Variants in RARB observed in about 807,000 individuals in gnomAD.
RARB encodes retinoic acid receptor beta.
RARB carries 17 observed loss-of-function variants against 51.9 expected under a neutral mutation model. That is an observed-to-expected ratio of 0.33 (90% CI 0.22 to 0.49). The LOEUF (loss-of-function observed/expected upper bound fraction) is 0.49, where lower values mean the gene tolerates loss of function less well. Ranked by LOEUF, RARB falls within the 20% of genes least tolerant of loss-of-function variation. The probability of loss-of-function intolerance (pLI) is 0.99; values close to 1 mark genes in which losing one functional copy is unlikely to be tolerated. For missense variants in RARB, 369 were observed against 550.8 expected, an observed-to-expected ratio of 0.67 and a Z score of 3.30; for synonymous variants, 215 against 195.4, an observed-to-expected ratio of 1.10 and a Z score of -0.84.
intron 2 of RARB, among the ~76,000 whole-genome samples, chr3:24,930,248 G>A (rs545048926): frequency 1.3e-5 from 2 of 152,008 alleles, no homozygotes; most frequent in Admixed American, 6.6e-5. Context: ...TCTCCTTTGA[G>A]GGCTGCTTTT....
intron 5 of RARB, among the ~76,000 whole-genome samples, chr3:25,370,111 T>C (rs1475047967): frequency 1.3e-5 from 2 of 152,082 alleles, no homozygotes; most frequent in Non-Finnish European, 2.9e-5. Flanking sequence ...TACACACACA[T>C]AGATATGTAG....
chr3:24,973,760 T>G (rs1425292774), intron 2 of RARB, among the ~76,000 whole-genome samples: 1 of 152,110 alleles, frequency 6.6e-6, no homozygotes, highest in Non-Finnish European at 1.5e-5. Flanking sequence ...GTGTTCACTG[T>G]TGGCATATAT....
intron 3 of RARB, among the ~76,000 whole-genome samples, chr3:25,102,744 G>A (rs28691193): frequency 0.015 from 2,319 of 152,018 alleles, 46 homozygotes; most frequent in African/African-American, 0.049. Flanking sequence ...TTAAGATGCC[G>A]TGAGTTTGTA....
chr3:24,892,220 GA>G (rs35087864), intron 2 of RARB, among the ~76,000 whole-genome samples: 55,942 of 135,476 alleles, frequency 0.41, 11,835 homozygotes, highest in Non-Finnish European at 0.51. Context: ...TGCCCTCTTA[GA>G]AAAAAAAAAA....
intron 5 of RARB, among the ~76,000 whole-genome samples, chr3:25,228,506 C>A (rs554181235): frequency 6.6e-6 from 1 of 151,986 alleles, no homozygotes; most frequent in East Asian, 1.9e-4. Context: ...TCTATTATCT[C>A]CTGTATTGAT....
chr3:25,137,783 T>A (rs896521311), intron 4 of RARB, among the ~76,000 whole-genome samples: 4 of 152,100 alleles, frequency 2.6e-5, no homozygotes, highest in African/African-American at 9.7e-5. Context: ...CTATAAGGAA[T>A]GTTAGCCAGA....
chr3:24,904,514 G>A (rs1016040782), intron 2 of RARB, among the ~76,000 whole-genome samples: 6 of 152,078 alleles, frequency 3.9e-5, no homozygotes, highest in Non-Finnish European at 8.8e-5. Context: ...AGGAAACAAT[G>A]GATGCTGGAG....
At chr3:25,365,168 G>C in intron 5 of RARB, among the ~76,000 whole-genome samples, 1 of 146,664 alleles carries the variant, frequency 6.8e-6, no homozygotes, top group Admixed American at 6.8e-5. Context: ...CCATGCAAAA[G>C]GTATATAAGC....
chr3:25,248,139 T>A (rs188960240), intron 5 of RARB, among the ~76,000 whole-genome samples: 1 of 152,338 alleles, frequency 6.6e-6, no homozygotes, highest in African/African-American at 2.4e-5. Flanking sequence ...ACTTTTTGTG[T>A]CTCTTTGAAC....
chr3:25,380,073 C>T (rs1706579838), intron 5 of RARB, among the ~76,000 whole-genome samples: 1 of 152,134 alleles, frequency 6.6e-6, no homozygotes, highest in Admixed American at 6.5e-5. Context: ...ATTTTGCAAG[C>T]ATACCATTTT....
intron 3 of RARB, among the ~76,000 whole-genome samples, chr3:25,548,895 GTA>G (rs1296828676): frequency 6.6e-6 from 1 of 152,034 alleles, no homozygotes; most frequent in Non-Finnish European, 1.5e-5. Context: ...GAGCCACAAG[GTA>G]TCTAGTTTGG....
chr3:25,341,545 T>C (rs1705227626), intron 5 of RARB, among the ~76,000 whole-genome samples: 1 of 152,138 alleles, frequency 6.6e-6, no homozygotes, highest in Non-Finnish European at 1.5e-5. Flanking sequence ...GGGTGAAAGA[T>C]GGACAGGAAT....
At chr3:25,269,202 T>C (rs73047813) in intron 5 of RARB, among the ~76,000 whole-genome samples, 16,338 of 152,244 alleles carry the variant, frequency 0.11, 1,129 homozygotes, top group Non-Finnish European at 0.16. Context: ...AATAGTCATA[T>C]TGCTGGCTCA....
intron 3 of RARB, among the ~76,000 whole-genome samples, chr3:25,502,626 T>C (rs1697373328): frequency 6.6e-6 from 1 of 152,118 alleles, no homozygotes; most frequent in African/African-American, 2.4e-5. Flanking sequence ...AGCCAATCAG[T>C]GTATTTTATG....
intron 5 of RARB, among the ~76,000 whole-genome samples, chr3:25,252,423 G>A (rs950935518): frequency 4.6e-5 from 7 of 152,118 alleles, no homozygotes; most frequent in Non-Finnish European, 8.8e-5. Context: ...TATTGAATCT[G>A]TAGATCAATT....
chr3:25,093,671 TC>T (rs1699242284), intron 3 of RARB, among the ~76,000 whole-genome samples: 1 of 152,118 alleles, frequency 6.6e-6, no homozygotes, highest in South Asian at 2.1e-4. Context: ...TGTTGTAGAA[TC>T]TAAGATTGGC....
chr3:25,396,377 G>A (rs145306357), intron 5 of RARB, among the ~76,000 whole-genome samples: 2 of 152,222 alleles, frequency 1.3e-5, no homozygotes, highest in Admixed American at 6.5e-5. Flanking sequence ...ACAGACTCAG[G>A]TTAGCCAGGA....
intron 2 of RARB, among the ~76,000 whole-genome samples, chr3:25,492,039 G>A (rs1696767945): frequency 6.6e-6 from 1 of 152,196 alleles, no homozygotes; most frequent in South Asian, 2.1e-4. Flanking sequence ...AGGCCCTGTG[G>A]GACTGCACAG....
intron 2 of RARB, among the ~76,000 whole-genome samples, chr3:24,894,968 T>A (rs759307820): frequency 6.6e-6 from 1 of 152,236 alleles, no homozygotes. Flanking sequence ...AGAACATATG[T>A]GGAAAAACCT....
Sources: gnomAD v4.1 joint callset for allele counts (sites outside exome capture counted in the v4.1 genomes callset) on GRCh38, gnomAD v4.1.1 for gene constraint, MANE v1.5 for transcripts, NCBI Gene and HGNC (gene_info 2026-07-23, HGNC 2026-07-21) for gene names.